CTNNA3: variants seen among roughly 807,000 people sequenced by gnomAD.
CTNNA3 encodes the protein catenin alpha 3, also known as catenin alpha-3.
CTNNA3 carries 76 observed loss-of-function variants against 95.7 expected under a neutral mutation model. The observed-to-expected ratio is 0.79, with a 90% confidence interval of 0.66 to 0.96. The LOEUF (loss-of-function observed/expected upper bound fraction) is 0.96. CTNNA3 is among the 40% of genes least tolerant of loss of function. The probability of loss-of-function intolerance (pLI) is 0.00; values close to 1 mark genes in which losing one functional copy is unlikely to be tolerated. For synonymous variants in CTNNA3, 431 were observed against 374.4 expected (o/e 1.15, Z -1.74); for missense variants, 1,191 against 1,089.8 (o/e 1.09, Z -1.31).
chr10:66,317,296 G>A (rs2092115405), intron 12 of CTNNA3, among the ~76,000 whole-genome samples: 1 of 151,934 alleles, frequency 6.6e-6, no homozygotes, highest in Admixed American at 6.6e-5. Context: ...CTAAATTTAT[G>A]GTTAGTCAAG....
intron 5 of CTNNA3, among the ~76,000 whole-genome samples, chr10:67,349,374 T>C (rs1004121526): frequency 6.6e-6 from 1 of 152,142 alleles, no homozygotes; most frequent in Non-Finnish European, 1.5e-5. Context: ...ATTCAGCCTT[T>C]AAAAAGAAGG....
chr10:66,349,561 T>C (rs1451042153), intron 12 of CTNNA3, among the ~76,000 whole-genome samples: 2 of 152,142 alleles, frequency 1.3e-5, no homozygotes, highest in African/African-American at 4.8e-5. Context: ...AGGTTATTCT[T>C]TCCAAAGCCA....
chr10:66,888,559 T>C lies in CTNNA3; in HGVS notation c.1048-113035A>G, dbSNP rs75012770. Among the ~76,000 whole-genome samples the C allele has an allele frequency of 1.3e-3, 185 of 147,468 alleles. 1 individual carries two copies. The highest frequency in any genetic ancestry group is 4.5e-3 in the African/African-American group (180 of 39,994). ...ATGGTAGTTTTTCATTTTTTTTTTT[T>C]AAGCAATGGGGAAAAAATAACAAAT... is the stretch of plus-strand genomic sequence containing the variant. On this transcript the variant is annotated intron_variant, in intron 7 of 17. Transcript: ENST00000433211.
At chr10:66,551,023 A>G (rs114680065) in intron 10 of CTNNA3, among the ~76,000 whole-genome samples, 2,264 of 69,450 alleles carry the variant, frequency 0.033, 49 homozygotes, top group African/African-American at 0.092. Context: ...TATTAAGTGA[A>G]TTTAAAGAGA....
At chr10:67,348,576 C>T (rs1182487174) in intron 5 of CTNNA3, among the ~76,000 whole-genome samples, 4 of 151,990 alleles carry the variant, frequency 2.6e-5, no homozygotes, top group African/African-American at 9.7e-5. Context: ...GGGGAGCCTG[C>T]GTTTCACATG....
intron 5 of CTNNA3, among the ~76,000 whole-genome samples, chr10:67,465,211 C>G (rs938016751): frequency 4.0e-5 from 6 of 151,778 alleles, no homozygotes; most frequent in African/African-American, 1.4e-4. Flanking sequence ...ATAAAAGGAC[C>G]CTGTTTTTAC....
At chr10:66,534,175 C>T (rs145431043) in intron 10 of CTNNA3, among the ~76,000 whole-genome samples, 25 of 152,214 alleles carry the variant, frequency 1.6e-4, no homozygotes, top group Non-Finnish European at 3.1e-4. Flanking sequence ...TGCTCAAAAA[C>T]TGACCATTTT....
At chr10:66,590,164 C>T (rs1843500878) in intron 10 of CTNNA3, among the ~76,000 whole-genome samples, 2 of 151,926 alleles carry the variant, frequency 1.3e-5, no homozygotes, top group Non-Finnish European at 2.9e-5. Context: ...TTGAAGGCTT[C>T]CCAAAATAGA....
chr10:67,088,202 G>C (rs1857419140), intron 7 of CTNNA3, among the ~76,000 whole-genome samples: 1 of 151,030 alleles, frequency 6.6e-6, no homozygotes, highest in African/African-American at 2.4e-5. Context: ...GGCATGTATT[G>C]GAATGGCTTA....
intron 7 of CTNNA3, among the ~76,000 whole-genome samples, chr10:67,065,546 A>C (rs1349350733): frequency 6.6e-6 from 1 of 152,088 alleles, no homozygotes; most frequent in Non-Finnish European, 1.5e-5. Context: ...AGGAAGTATA[A>C]GCTTCCCACT....
chr10:67,586,163 C>A (rs1842618640), intron 3 of CTNNA3, among the ~76,000 whole-genome samples: 1 of 152,048 alleles, frequency 6.6e-6, no homozygotes, highest in South Asian at 2.1e-4. Context: ...ATTTCTAGTT[C>A]TATTCCACTA....
chr10:66,506,263 A>T (rs1449076456), intron 11 of CTNNA3, among the ~76,000 whole-genome samples: 1 of 152,132 alleles, frequency 6.6e-6, no homozygotes, highest in African/African-American at 2.4e-5. Flanking sequence ...TCCAGTTTCA[A>T]CGTAATATTT....
At chr10:66,102,350 T>G (rs888881579) in intron 14 of CTNNA3, among the ~76,000 whole-genome samples, 1 of 152,196 alleles carries the variant, frequency 6.6e-6, no homozygotes, top group Non-Finnish European at 1.5e-5. Context: ...GGTCTGTTAG[T>G]TGACTCAGTT....
At chr10:67,115,838 T>C (rs1176180004) in intron 7 of CTNNA3, among the ~76,000 whole-genome samples, 1 of 151,834 alleles carries the variant, frequency 6.6e-6, no homozygotes, top group Non-Finnish European at 1.5e-5. Flanking sequence ...TGTTTTGTAA[T>C]GACATTTCAT....
At chr10:66,075,635 T>C (rs555904989) in intron 14 of CTNNA3, among the ~76,000 whole-genome samples, 45 of 151,922 alleles carry the variant, frequency 3.0e-4, no homozygotes, top group African/African-American at 1.0e-3. Context: ...AGTAAGTGCT[T>C]TCCATAAGCA....
At chr10:66,000,738 C>T (rs998565883) in intron 15 of CTNNA3, among the ~76,000 whole-genome samples, 8 of 152,156 alleles carry the variant, frequency 5.3e-5, no homozygotes, top group African/African-American at 1.9e-4. Context: ...ACTATACACA[C>T]ACTAATTTTA....
intron 11 of CTNNA3, among the ~76,000 whole-genome samples, chr10:66,444,705 A>G (rs1338860921): frequency 6.6e-6 from 1 of 152,228 alleles, no homozygotes; most frequent in Non-Finnish European, 1.5e-5. Flanking sequence ...AACCGGTACC[A>G]GCCACTGCAA....
chr10:67,279,775 G>C (rs924249861), intron 5 of CTNNA3, among the ~76,000 whole-genome samples: 1 of 150,174 alleles, frequency 6.7e-6, no homozygotes, highest in African/African-American at 2.5e-5. Flanking sequence ...AAGCCACCCA[G>C]CTAGTTCCAG....
chr10:66,536,748 ATGATAG>A (rs1841673729), intron 10 of CTNNA3, among the ~76,000 whole-genome samples: 1 of 152,118 alleles, frequency 6.6e-6, no homozygotes, highest in African/African-American at 2.4e-5. Context: ...AAAAAAATGG[ATGATAG>A]AGTAGATTAT....
Sources: allele counts gnomAD v4.1 joint callset (sites outside exome capture counted in the v4.1 genomes callset), GRCh38; gene constraint gnomAD v4.1.1; transcripts MANE v1.5; gene names NCBI Gene and HGNC (gene_info 2026-07-23, HGNC 2026-07-21).